Variants in NT5C1B observed in about 807,000 individuals in gnomAD.
The protein encoded by NT5C1B is cytosolic 5'-nucleotidase 1B.
A neutral mutation model predicts 57.8 loss-of-function variants in NT5C1B; 44 were observed. The observed-to-expected ratio is 0.76, with a 90% CI of 0.60 to 0.98. NT5C1B has a LOEUF of 0.98. Among genes scored for constraint, NT5C1B ranks in the 50% least tolerant of loss-of-function variants. The probability of loss-of-function intolerance (pLI) is 0.00; values close to 1 mark genes in which losing one functional copy is unlikely to be tolerated. For synonymous variants in NT5C1B, 284 were observed against 282.6 expected (o/e 1.00, Z -0.05); for missense variants, 742 against 719.5 (o/e 1.03, Z -0.36).
intron 3 of NT5C1B, among the ~76,000 whole-genome samples, chr2:18,585,550 C>A (rs960455008): frequency 6.6e-6 from 1 of 152,178 alleles, no homozygotes; most frequent in African/African-American, 2.4e-5. Flanking sequence ...TCCCCAGGGC[C>A]TTCAGAGCTC....
chr2:18,587,590 A>G (rs1666837706), exon 2 of NT5C1B: 4 of 1,608,982 alleles, frequency 2.5e-6, no homozygotes, highest in Non-Finnish European at 3.4e-6. Context: ...TTCCAGGCTC[A>G]TTCTTGACAA....
intron 8 of NT5C1B, among the ~76,000 whole-genome samples, chr2:18,570,278 T>G (rs1175944893): frequency 6.6e-6 from 1 of 152,082 alleles, no homozygotes; most frequent in Admixed American, 6.5e-5. Context: ...CAGTCTCAGC[T>G]TCCACATTTG....
At position 18,571,296 on chromosome 2, in the gene NT5C1B, T is replaced by A. The variant is rs147363997; in HGVS notation, c.1329+4888A>T. On this transcript the variant is annotated intron_variant, in intron 8 of 8. Transcript: ENST00000304081. ...TAGAAAATCTCAATCTACAAAATTG[T>A]TGCGAGAACTAACAAGGAAATTGAA... Among the ~76,000 whole-genome samples the A allele has an allele frequency of 3.5e-4, 53 of 152,274 alleles. 1 individual carries two copies. The Middle Eastern group carries it at 0.01, about 29-fold the overall frequency.
Position 18,584,851 on chromosome 2 carries a change from A to G in NT5C1B, c.386T>C (p.Leu129Pro), listed in dbSNP as rs749806184. 1.2e-6 allele frequency: 2 copies of G among 1,607,914 alleles called. No individual in the cohort carries two copies. The highest frequency in any genetic ancestry group is 1.7e-5 in the Admixed American group (1 of 59,740). Residue 129 changes from leucine (L) to proline (P), a missense_variant, in exon 4 of 9, where the codon CTG becomes CCG. Physicochemically the swap from Leu to Pro is moderately conservative, Grantham distance 98. Transcript: ENST00000304081. The surrounding 1 kb of genome is among the most constrained non-coding windows in gnomAD (Gnocchi z 5.8). ...TGGGGGCGTGGGAGGCCGCGAGTCCAGCGACCGGGGCAGCTGGGGCGACGC... is the reference window on the plus strand; with the variant it reads ...TGGGGGCGTGGGAGGCCGCGAGTCCGGCGACCGGGGCAGCTGGGGCGACGC...
At chr2:18,566,717 C>G (rs60413138) in intron 8 of NT5C1B, among the ~76,000 whole-genome samples, 1 of 152,086 alleles carries the variant, frequency 6.6e-6, no homozygotes, top group Non-Finnish European at 1.5e-5. Flanking sequence ...CACAGTAGTA[C>G]AGCATATAAT....
intron 8 of NT5C1B, among the ~76,000 whole-genome samples, chr2:18,573,862 A>G (rs1012019374): frequency 6.6e-6 from 1 of 152,190 alleles, no homozygotes; most frequent in Non-Finnish European, 1.5e-5. Flanking sequence ...ATAATAAAGG[A>G]AAGCATGTAT....
At chr2:18,564,898 C>T (rs762344252) in intron 8 of NT5C1B, among the ~76,000 whole-genome samples, 3 of 152,002 alleles carry the variant, frequency 2.0e-5, no homozygotes, top group Non-Finnish European at 4.4e-5. Flanking sequence ...CTATAAATTA[C>T]CTTTACAACT....
rs1666474885 is a variant in NT5C1B at position 18,584,370 on chromosome 2, G to A, written c.724-115C>T. 5.8e-6 allele frequency: 9 copies of A among 1,539,480 alleles called. No individual in the cohort carries two copies. The highest frequency in any genetic ancestry group is 7.9e-6 in the Non-Finnish European group (9 of 1,144,908). ...AGCGGGCCCCTGCTTGGAGAAGCGG[G>A]ATGCTGGAGACAGCTGAGGCTGGGA... On this transcript the variant is annotated intron_variant, in intron 4 of 8. Transcript: ENST00000304081. The surrounding 1 kb of genome is among the most constrained non-coding windows in gnomAD (Gnocchi z 5.8).
intron 3 of NT5C1B, 199 bp from the exon 4 acceptor site, chr2:18,585,177 C>G (rs1021033067): frequency 1.2e-6 from 1 of 811,730 alleles, no homozygotes; most frequent in Non-Finnish European, 2.2e-6. Flanking sequence ...CAGAGACTGT[C>G]TGCTTTCATT....
rs1665692430 is a variant in NT5C1B at position 18,576,526 on chromosome 2, T to A, written c.1145-158A>T. On this transcript the variant is annotated intron_variant, in intron 7 of 8. Coordinates refer to ENST00000304081, the Ensembl canonical transcript of NT5C1B. ...ACAACCACAGACCTCAGAACAGTTG[T>A]CTATGCACTGCCTCTGTTTCTATAG... Among the ~76,000 whole-genome samples, 3 of 152,146 alleles carry A rather than the reference T, an allele frequency of 2.0e-5. No individual in the cohort carries two copies. In the South Asian group the frequency reaches 6.2e-4, roughly 32 times the overall value.
Position 18,568,413 on chromosome 2 carries a change from C to T in NT5C1B, c.1330-4294G>A, listed in dbSNP as rs139573234. ...GAGATTCAGTACCAGTAGATTTGTA[C>T]GACATGAAATGTTAAACAAAACAAA... On this transcript the variant is annotated intron_variant, in intron 8 of 8. Transcript: ENST00000304081. 4.3e-4 allele frequency among the ~76,000 whole-genome samples: 66 copies of T among 151,818 alleles called. No individual in the cohort carries two copies. The East Asian group carries it at 7.8e-3, about 18-fold the overall frequency.
Position 18,584,034 on chromosome 2 carries a change from G to A in NT5C1B, c.891+54C>T, listed in dbSNP as rs2148165310. The A allele has an allele frequency of 6.2e-7, 1 of 1,614,054 alleles. No homozygotes were observed. Among genetic ancestry groups the A allele is most frequent in the Non-Finnish European group, 8.5e-7 (1 of 1,179,978 alleles). On this transcript the variant is annotated intron_variant, in intron 5 of 8. Transcript: ENST00000304081. The surrounding 1 kb of genome is among the most constrained non-coding windows in gnomAD (Gnocchi z 5.8). ...GATGCCCTCCCAAGGGTTGGCCTGG[G>A]TCCCTCCCTCGCCATCGAGTGTCCT...
rs1432618742 is a variant in NT5C1B, at chr2:18,586,360, TC to T, written c.151del (p.Asp51ThrfsTer25). 6.2e-7 allele frequency: 1 copy of T among 1,613,868 alleles called. No homozygotes were observed. The highest frequency in any genetic ancestry group is 8.5e-7 in the Non-Finnish European group (1 of 1,179,968). Reference sequence around the variant, plus strand: ...ACTGCGCACAAGGTACCCTCGAGAGTCTGTCTTCCGCAGTGATGATTCTTGT... The same window carrying T: ...ACTGCGCACAAGGTACCCTCGAGAGTTGTCTTCCGCAGTGATGATTCTTGT... On this transcript the variant is annotated frameshift_variant, in exon 3 of 9. Coordinates refer to ENST00000304081, the Ensembl canonical transcript of NT5C1B. LOFTEE classifies it high-confidence loss of function.
chr2:18,583,112 A>G (rs1666327974), intron 5 of NT5C1B, 115 bp from the exon 6 acceptor site: 16 of 1,355,800 alleles, frequency 1.2e-5, no homozygotes, highest in Non-Finnish European at 1.6e-5. Flanking sequence ...ATCTTCACTG[A>G]GAGATTCTGG....
chr2:18,576,850 A>G (rs774314120), exon 7 of NT5C1B: 75 of 1,613,812 alleles, frequency 4.6e-5, no homozygotes, highest in Admixed American at 1.2e-4. Context: ...CAAATAGCCA[A>G]TGGGGTCTTT....
chr2:18,573,040 A>G (rs1288845907), intron 8 of NT5C1B, among the ~76,000 whole-genome samples: 1 of 152,166 alleles, frequency 6.6e-6, no homozygotes, highest in Non-Finnish European at 1.5e-5. Context: ...CAAAGACTAG[A>G]AATGACCTAC....
chr2:18,576,275 A>G (rs778831824), exon 8 of NT5C1B: 1 of 1,613,902 alleles, frequency 6.2e-7, no homozygotes, highest in Non-Finnish European at 8.5e-7. Flanking sequence ...CTCATCAGAG[A>G]AGAGGACAGC....
intron 8 of NT5C1B, among the ~76,000 whole-genome samples, chr2:18,573,811 G>T (rs890299735): frequency 6.6e-6 from 1 of 152,050 alleles, no homozygotes; most frequent in Admixed American, 6.5e-5. Context: ...TCTTTTTCAT[G>T]TAAAAAAATG....
At chr2:18,578,531 G>A (rs1029745432) in intron 6 of NT5C1B, among the ~76,000 whole-genome samples, 11 of 151,856 alleles carry the variant, frequency 7.2e-5, no homozygotes, top group East Asian at 5.8e-4. Flanking sequence ...TAAACTTTTA[G>A]TTCAGAACTA....
Sources: allele counts gnomAD v4.1 joint callset (sites outside exome capture counted in the v4.1 genomes callset), GRCh38; gene constraint gnomAD v4.1.1; non-coding constraint Gnocchi (gnomAD v3.1); transcripts MANE v1.5; gene names NCBI Gene and HGNC (gene_info 2026-07-23, HGNC 2026-07-21).